Variants in MTHFD1L observed in about 807,000 individuals in gnomAD.
MTHFD1L encodes the protein methylenetetrahydrofolate dehydrogenase (NADP+ dependent) 1 like.
MTHFD1L carries 81 observed loss-of-function variants against 119.5 expected under a neutral mutation model. The observed-to-expected ratio is 0.68, with a 90% CI of 0.57 to 0.82. The LOEUF is 0.82. MTHFD1L is among the 40% of genes least tolerant of loss of function. MTHFD1L has a pLI of 0.00. For synonymous variants in MTHFD1L, 430 were observed against 475.2 expected (o/e 0.90, Z 1.24); for missense variants, 1,125 against 1,253.4 (o/e 0.90, Z 1.55).
chr6:150,932,734 C>A (rs1301488866), intron 11 of MTHFD1L, among the ~76,000 whole-genome samples: 2 of 150,524 alleles, frequency 1.3e-5, no homozygotes, highest in Non-Finnish European at 3.0e-5. Flanking sequence ...TGCCACTGCA[C>A]TCCAGCCTGG....
intron 24 of MTHFD1L, among the ~76,000 whole-genome samples, chr6:151,026,820 CTTTTTTTTT>C (rs1158007442): frequency 0.01 from 520 of 51,272 alleles, 10 homozygotes; most frequent in African/African-American, 0.04. Flanking sequence ...CCTTTCTATC[CTTTTTTTTT>C]TTTTTTTTTT....
At chr6:150,885,760 C>A (rs768822929) in intron 6 of MTHFD1L, 26 bp downstream of exon 6, 8 of 1,519,860 alleles carry the variant, frequency 5.3e-6, no homozygotes, top group Non-Finnish European at 6.4e-6. Context: ...AGAAATGCCG[C>A]TGATTTCTAT....
chr6:151,003,820 G>A (rs1328501037), intron 20 of MTHFD1L, among the ~76,000 whole-genome samples: 1 of 152,026 alleles, frequency 6.6e-6, no homozygotes, highest in African/African-American at 2.4e-5. Context: ...CAGAACCCTG[G>A]GCTGGGCATC....
intron 15 of MTHFD1L, among the ~76,000 whole-genome samples, chr6:150,948,068 C>T (rs1308418333): frequency 1.1e-4 from 17 of 151,920 alleles, no homozygotes; most frequent in African/African-American, 3.9e-4. Context: ...AGTGCAATGG[C>T]GCAATCTTGG....
chr6:150,972,105 T>C, intron 20 of MTHFD1L, 47 bp downstream of exon 20: 1 of 1,518,746 alleles, frequency 6.6e-7, no homozygotes, highest in South Asian at 1.1e-5. Context: ...ATTGAAGAAA[T>C]CTAAAAGCTG....
chr6:151,099,880 GC>G, intron 27 of MTHFD1L: 1 of 1,529,512 alleles, frequency 6.5e-7, no homozygotes, highest in Non-Finnish European at 9.0e-7. Flanking sequence ...TGCCCAACTG[GC>G]CATCACAGTC....
chr6:150,958,707 G>C (rs1286998609), intron 17 of MTHFD1L, among the ~76,000 whole-genome samples: 1 of 152,138 alleles, frequency 6.6e-6, no homozygotes, highest in African/African-American at 2.4e-5. Context: ...ATCAATAAAT[G>C]TGTGATAAGC....
intron 2 of MTHFD1L, among the ~76,000 whole-genome samples, chr6:150,876,502 G>A (rs888730611): frequency 3.9e-5 from 6 of 152,164 alleles, no homozygotes; most frequent in Non-Finnish European, 8.8e-5. Context: ...GAAGGTGCTG[G>A]GGGAAAAAGT....
chr6:150,976,640 G>A (rs923519046), intron 20 of MTHFD1L, among the ~76,000 whole-genome samples: 1 of 152,144 alleles, frequency 6.6e-6, no homozygotes, highest in African/African-American at 2.4e-5. Context: ...TCAAACCATA[G>A]AGAAAAATGT....
intron 7 of MTHFD1L, among the ~76,000 whole-genome samples, chr6:150,889,091 C>T (rs548845809): frequency 2.6e-5 from 4 of 151,880 alleles, no homozygotes; most frequent in Admixed American, 6.6e-5. Context: ...GCAGGAGAAT[C>T]GCTTGAACCC....
intron 13 of MTHFD1L, among the ~76,000 whole-genome samples, chr6:150,939,663 C>T (rs1429249951): frequency 2.7e-5 from 4 of 150,630 alleles, no homozygotes; most frequent in South Asian, 4.2e-4. Context: ...CTCTCTACTG[C>T]GTCAAGCTCC....
intron 26 of MTHFD1L, among the ~76,000 whole-genome samples, chr6:151,075,326 C>G (rs890250553): frequency 2.0e-5 from 3 of 151,956 alleles, no homozygotes; most frequent in African/African-American, 7.2e-5. Context: ...TAATACTAAT[C>G]AAAAGAAAAT....
chr6:151,079,389 AG>A (rs1323961429), intron 26 of MTHFD1L, among the ~76,000 whole-genome samples: 1 of 151,932 alleles, frequency 6.6e-6, no homozygotes, highest in Non-Finnish European at 1.5e-5. Flanking sequence ...GCCTTTCAGG[AG>A]TGGGAATGCC....
intron 20 of MTHFD1L, among the ~76,000 whole-genome samples, chr6:151,005,559 A>G (rs751627393): frequency 6.6e-6 from 1 of 152,080 alleles, no homozygotes; most frequent in Non-Finnish European, 1.5e-5. Flanking sequence ...CTTTATTACT[A>G]CTTTTTTGTT....
chr6:150,924,456 G>A (rs1789568409), intron 10 of MTHFD1L, among the ~76,000 whole-genome samples: 1 of 151,590 alleles, frequency 6.6e-6, no homozygotes, highest in Non-Finnish European at 1.5e-5. Flanking sequence ...ACAGGCATGA[G>A]CCACCATGCC....
chr6:150,873,818 C>A (rs1247781709), intron 1 of MTHFD1L, among the ~76,000 whole-genome samples: 1 of 152,114 alleles, frequency 6.6e-6, no homozygotes, highest in African/African-American at 2.4e-5. Context: ...TACAGGTGTG[C>A]ACCACCATGC....
chr6:150,937,860 C>T (rs144329350), intron 12 of MTHFD1L, among the ~76,000 whole-genome samples: 2 of 152,264 alleles, frequency 1.3e-5, no homozygotes, highest in Non-Finnish European at 2.9e-5. Flanking sequence ...CACACATGGG[C>T]GGTGTTGTTC....
At chr6:150,997,531 G>A (rs1779965944) in intron 20 of MTHFD1L, among the ~76,000 whole-genome samples, 1 of 152,176 alleles carries the variant, frequency 6.6e-6, no homozygotes, top group Non-Finnish European at 1.5e-5. Flanking sequence ...TCTCACACCT[G>A]TAATCCCAGC....
At chr6:150,982,574 GT>G (rs1230887882) in intron 20 of MTHFD1L, among the ~76,000 whole-genome samples, 1 of 152,140 alleles carries the variant, frequency 6.6e-6, no homozygotes, top group Non-Finnish European at 1.5e-5. Flanking sequence ...GATTTGGGGG[GT>G]TAAAAGTACG....
Sources: allele counts gnomAD v4.1 joint callset (sites outside exome capture counted in the v4.1 genomes callset), GRCh38; gene constraint gnomAD v4.1.1; transcripts MANE v1.5; gene names NCBI Gene and HGNC (gene_info 2026-07-23, HGNC 2026-07-21).